ATP2C2: variants seen among roughly 807,000 people sequenced by gnomAD.
ATP2C2 encodes the protein ATPase secretory pathway Ca2+ transporting 2, also known as calcium-transporting ATPase type 2C member 2.
In ATP2C2, 171 loss-of-function variants were observed where a neutral mutation model predicts 110.8. The ratio of observed to expected loss-of-function variants is 1.54; its 90% CI spans 1.36 to 1.75. ATP2C2 has a LOEUF of 1.75. Among genes scored for constraint, ATP2C2 ranks in the 40% most tolerant of loss-of-function variants. ATP2C2 has a pLI of 0.00. For missense variants in ATP2C2, 1,963 were observed against 1,235.0 expected, an observed-to-expected ratio of 1.59 and a Z score of -8.84; for synonymous variants, 804 against 508.4, an observed-to-expected ratio of 1.58 and a Z score of -7.82.
chr16:84,368,547 G>C lies in ATP2C2; in HGVS notation c.-69G>C. 1 of 1,269,936 alleles carries C rather than the reference G, an allele frequency of 7.9e-7. No homozygotes were observed. The highest frequency in any genetic ancestry group is 1.3e-5 in the South Asian group (1 of 76,702). The allele number at this position is 1,269,936 out of a possible 1,614,324, so 78.7% of individuals were successfully genotyped here. ...TAACCGGGTCCGGCCCAGGAGGCTT[G>C]GGCGCGCGCAGCCATCCCGGGCCTC... is the stretch of plus-strand genomic sequence containing the variant. On this transcript the variant is annotated 5_prime_UTR_variant, in exon 1 of 27. Transcript: ENST00000262429.
intron 2 of ATP2C2, among the ~76,000 whole-genome samples, chr16:84,401,543 C>A (rs767380210): frequency 6.6e-6 from 1 of 152,150 alleles, no homozygotes; most frequent in African/African-American, 2.4e-5. Flanking sequence ...CACTCTCCTG[C>A]ATATGGAGAT....
rs745495820 is a variant in ATP2C2, at chr16:84,410,748, T to A, written c.498T>A (p.Val166=). ...CTCTGGAAGAGCTGACCAAGCTGGT[T>A]CCTCCAGAATGTAACTGGTAAGTCA... is the stretch of plus-strand genomic sequence containing the variant. ...EKSLEELTKL[V]PPECNCLREG... is the part of the protein sequence containing the mutation. The change falls in exon 6 of 27, where the codon GTT becomes GTA. Residue 166 remains valine, a synonymous_variant. Transcript: ENST00000262429. The A allele has an allele frequency of 1.9e-6, 3 of 1,614,158 alleles. No homozygotes were observed. In the South Asian group the frequency reaches 3.3e-5, roughly 18 times the overall value.
intron 16 of ATP2C2, among the ~76,000 whole-genome samples, chr16:84,447,828 T>G (rs979127883): frequency 7.4e-6 from 1 of 134,408 alleles, no homozygotes; most frequent in Non-Finnish European, 1.6e-5. Context: ...AATTAATGTA[T>G]TAACATCTGT....
Position 84,462,860 on chromosome 16 carries a change from A to C in ATP2C2, c.2722+731A>C, listed in dbSNP as rs1229900139. 2.0e-5 allele frequency: 3 copies of C among 152,962 alleles called. 1 individual carries two copies. Among genetic ancestry groups the C allele is most frequent in the African/African-American group, 7.2e-5 (3 of 41,466 alleles). 9.5% of individuals were successfully genotyped at this position (152,962 alleles called of 1,614,324 possible). A position where few individuals can be genotyped will look rare whatever the true frequency, so the allele number is the denominator to read the frequency against. On this transcript the variant is annotated intron_variant, in intron 26 of 26. Transcript: ENST00000262429. The stretch of plus-strand genomic sequence containing the variant: ...CAGGGCCCAGAGTGGGTCATGGCTC[A>C]GATCTGGAGGGTCATGGGATTATGC...
In ATP2C2 at chr16:84,392,138, AC is replaced by A. The variant is rs531193315; in HGVS notation, c.100-6358del. 2.0e-4 allele frequency among the ~76,000 whole-genome samples: 31 copies of A among 152,226 alleles called. No homozygotes were observed. In the East Asian group the frequency reaches 6.0e-3, roughly 29 times the overall value. ...TGGAATGAGCCCACATGACTCTGTT[AC>A]CCAGTGCCAATGAGGGGAGCCAATC... On this transcript the variant is annotated intron_variant, in intron 1 of 26. Coordinates refer to ENST00000262429, the MANE Select transcript of ATP2C2 (RefSeq NM_014861.4).
In ATP2C2 at chr16:84,438,966, G is replaced by A. The variant is rs1037885162; in HGVS notation, c.987-200G>A. 9.1e-5 allele frequency: 55 copies of A among 603,976 alleles called. 1 individual carries two copies. The highest frequency in any genetic ancestry group is 7.2e-4 in the African/African-American group (39 of 54,300). 37.4% of individuals were successfully genotyped at this position (603,976 alleles called of 1,614,324 possible). On this transcript the variant is annotated intron_variant, in intron 11 of 26. Transcript: ENST00000262429. ...ACAGGAGAGGTCCCTTCCCAAGAGC[G>A]GGGTCTGCAGGGGAGGGCTCAGGAC... is the stretch of plus-strand genomic sequence containing the variant.
chr16:84,386,565 A>T (rs533180924), intron 1 of ATP2C2, among the ~76,000 whole-genome samples: 196 of 152,264 alleles, frequency 1.3e-3, no homozygotes, highest in African/African-American at 4.4e-3. Flanking sequence ...TGCTCCAAGT[A>T]TCTCACTTTG....
intron 17 of ATP2C2, among the ~76,000 whole-genome samples, chr16:84,451,555 G>C (rs1910265875): frequency 6.6e-6 from 1 of 152,194 alleles, no homozygotes. Flanking sequence ...GGCTAACAAA[G>C]GGCTGCGCAC....
chr16:84,434,675 C>T (rs540104130), intron 11 of ATP2C2, among the ~76,000 whole-genome samples: 1 of 151,930 alleles, frequency 6.6e-6, no homozygotes, highest in East Asian at 2.0e-4. Context: ...CTCGCTACCA[C>T]ACCCGGCTAA....
chr16:84,442,422 C>A, intron 14 of ATP2C2, 88 bp from the exon 15 acceptor site: 1 of 1,262,222 alleles, frequency 7.9e-7, no homozygotes. Flanking sequence ...CCCCACAACC[C>A]CAGCTGTAAA....
Position 84,460,630 on chromosome 16 carries a change from GTGTC to G in ATP2C2, c.2334-20_2334-17del, listed in dbSNP as rs1325432073. 12 of 1,614,164 alleles carry G rather than the reference GTGTC, an allele frequency of 7.4e-6. No individual in the cohort carries two copies. Among genetic ancestry groups the G allele is most frequent in the Admixed American group, 5.0e-5 (3 of 60,024 alleles). ...TATTTCATTCCTGGTTCATTTCAAA[GTGTC>G]TGTGTCTTGTTCGGAGCAGCTTGGG... On this transcript the variant is annotated intron_variant, in intron 23 of 26. Coordinates refer to ENST00000262429, the MANE Select transcript of ATP2C2 (RefSeq NM_014861.4).
At chr16:84,405,480 A>G (rs762307687) in intron 3 of ATP2C2, among the ~76,000 whole-genome samples, 16 of 145,078 alleles carry the variant, frequency 1.1e-4, no homozygotes, top group Non-Finnish European at 2.5e-4. Context: ...GCCCCACGCT[A>G]TATGAGTAAG....
chr16:84,370,709 A>C (rs571958124), intron 1 of ATP2C2, among the ~76,000 whole-genome samples: 1 of 139,676 alleles, frequency 7.2e-6, no homozygotes, highest in African/African-American at 2.7e-5. Context: ...ATACTAGTTT[A>C]TTTAGGGGTT....
At chr16:84,403,032 T>G (rs1905441211) in intron 2 of ATP2C2, among the ~76,000 whole-genome samples, 1 of 152,180 alleles carries the variant, frequency 6.6e-6, no homozygotes, top group African/African-American at 2.4e-5. Context: ...TGTCTAGGAA[T>G]TTATCCATTT....
chr16:84,372,222 G>A (rs143628054), intron 1 of ATP2C2, among the ~76,000 whole-genome samples: 12 of 152,190 alleles, frequency 7.9e-5, no homozygotes, highest in African/African-American at 2.2e-4. Flanking sequence ...TCCCAGATGG[G>A]CCAAACATTA....
rs781438642 is a variant in ATP2C2 at position 84,425,722 on chromosome 16, GTC to G, written c.920-9_920-8del. 1 of 1,613,784 alleles carries G rather than the reference GTC, an allele frequency of 6.2e-7. No individual in the cohort carries two copies. The highest frequency in any genetic ancestry group is 8.5e-7 in the Non-Finnish European group (1 of 1,179,720). Reference sequence around the variant, plus strand: ...TGCATATGGAGATAAGGATGTTTTTGTCTCTTCCCCAGGTCTCATCATGCTCA... The same window carrying G: ...TGCATATGGAGATAAGGATGTTTTTGTCTTCCCCAGGTCTCATCATGCTCA... On this transcript the variant is annotated splice_polypyrimidine_tract_variant and intron_variant, in intron 10 of 26. Coordinates refer to ENST00000262429, the MANE Select transcript of ATP2C2 (RefSeq NM_014861.4).
intron 23 of ATP2C2, chr16:84,459,939 G>A (rs1200297046): frequency 3.7e-6 from 1 of 268,256 alleles, no homozygotes. Flanking sequence ...CCTTCAACAA[G>A]CTGGCCAAGT....
intron 11 of ATP2C2, among the ~76,000 whole-genome samples, chr16:84,431,075 A>G (rs1486738653): frequency 6.6e-6 from 1 of 152,158 alleles, no homozygotes; most frequent in Non-Finnish European, 1.5e-5. Flanking sequence ...GATCAGGTAG[A>G]TCTCTGCCCT....
chr16:84,439,437 C>G lies in ATP2C2; in HGVS notation c.1122C>G (p.Ser374Arg). 1 of 1,614,088 alleles carries G rather than the reference C, an allele frequency of 6.2e-7. No individual in the cohort carries two copies. Among genetic ancestry groups the G allele is most frequent in the Non-Finnish European group, 8.5e-7 (1 of 1,180,006 alleles). Residue 374 changes from serine to arginine, a missense_variant, in exon 13 of 27, where the codon AGC (serine) becomes AGG (arginine). Transcript: ENST00000262429. ...LPIVETLGCC[S>R]VLCSDKTGTL... ...TGTTTGTTGTACCAGGTTGCTGCAG[C>G]GTTCTCTGTTCTGACAAGACGGGGA...
Sources: gnomAD v4.1 joint callset for allele counts (sites outside exome capture counted in the v4.1 genomes callset) on GRCh38, gnomAD v4.1.1 for gene constraint, MANE v1.5 for transcripts, NCBI Gene and HGNC (gene_info 2026-07-23, HGNC 2026-07-21) for gene names.